Variants in ETFA observed in about 807,000 individuals in gnomAD.
ETFA encodes electron transfer flavoprotein subunit alpha, mitochondrial.
ETFA carries 22 observed loss-of-function variants against 46.2 expected under a neutral mutation model. That is an observed-to-expected ratio of 0.48 (90% CI 0.34 to 0.68). The LOEUF (loss-of-function observed/expected upper bound fraction) is 0.68. Among genes scored for constraint, ETFA ranks in the 30% least tolerant of loss-of-function variants. The pLI is 0.01. For missense variants in ETFA, 345 were observed against 401.1 expected (o/e 0.86, Z 1.19); for synonymous variants, 131 against 139.9 (o/e 0.94, Z 0.45).
At chr15:76,310,369 GAAA>G (rs34111559) in intron 1 of ETFA, among the ~76,000 whole-genome samples, 5 of 104,446 alleles carry the variant, frequency 4.8e-5, no homozygotes, top group African/African-American at 7.4e-5. Context: ...TCCATGCCCA[GAAA>G]AAAAAAAAAA....
intron 9 of ETFA, among the ~76,000 whole-genome samples, chr15:76,236,603 T>C (rs1477294460): frequency 6.6e-6 from 1 of 152,202 alleles, no homozygotes; most frequent in Non-Finnish European, 1.5e-5. Context: ...ACAGGTTCTA[T>C]TATGCTCAAT....
intron 9 of ETFA, 55 bp from the exon 10 acceptor site, chr15:76,231,453 C>G: frequency 8.7e-7 from 1 of 1,152,390 alleles, no homozygotes; most frequent in Non-Finnish European, 1.2e-6. Flanking sequence ...TAATACTTTC[C>G]AAAGTGTTTG....
intron 9 of ETFA, among the ~76,000 whole-genome samples, chr15:76,233,325 C>CTTTTTTTTTTTTT (rs66595585): frequency 3.6e-5 from 3 of 84,472 alleles, no homozygotes; most frequent in Non-Finnish European, 6.5e-5. Context: ...ATTCAATAGG[C>CTTTTTTTTTTTTT]TTTTTTTTTT....
At chr15:76,235,623 T>C (rs1291756737) in intron 9 of ETFA, among the ~76,000 whole-genome samples, 1 of 152,194 alleles carries the variant, frequency 6.6e-6, no homozygotes, top group Non-Finnish European at 1.5e-5. Flanking sequence ...AGATGACTAA[T>C]TCTCTGTGCC....
intron 10 of ETFA, among the ~76,000 whole-genome samples, chr15:76,226,908 C>A (rs545956564): frequency 3.2e-4 from 48 of 152,124 alleles, no homozygotes; most frequent in Middle Eastern, 6.8e-3. Flanking sequence ...AAATAAAATA[C>A]AATAGAATAA....
chr15:76,296,513 T>C (rs11633405), intron 1 of ETFA, among the ~76,000 whole-genome samples: 43,450 of 152,050 alleles, frequency 0.29, 6,641 homozygotes, highest in East Asian at 0.58. Context: ...TTGAAATCAG[T>C]CACGAAAGTT....
intron 9 of ETFA, among the ~76,000 whole-genome samples, chr15:76,273,072 A>G (rs1055699029): frequency 2.0e-5 from 3 of 152,140 alleles, no homozygotes; most frequent in Non-Finnish European, 4.4e-5. Flanking sequence ...AGACTGGTGC[A>G]TTAGGTTATC....
chr15:76,274,451 A>G lies in ETFA; in HGVS notation c.777T>C (p.Asn259=), dbSNP rs1567211983. Residue 259 remains asparagine, a synonymous_variant, in exon 9 of 12, where the codon AAT becomes AAC. Transcript: ENST00000557943. ...RAAVDAGFVP[N]DMQVGQTGKI... ...TTCCCGTCTGTCCAACTTGCATGTC[A>G]TTGGGAACAAAGCCAGCATCAACAG... The G allele has an allele frequency of 6.2e-7, 1 of 1,612,752 alleles. No individual in the cohort carries two copies. The highest frequency in any genetic ancestry group is 8.5e-7 in the Non-Finnish European group (1 of 1,179,302).
At chr15:76,229,890 T>C (rs2141461791) in intron 10 of ETFA, among the ~76,000 whole-genome samples, 1 of 152,324 alleles carries the variant, frequency 6.6e-6, no homozygotes, top group South Asian at 2.1e-4. Flanking sequence ...TAATTCAAAC[T>C]ATATATTATT....
intron 2 of ETFA, among the ~76,000 whole-genome samples, chr15:76,295,272 T>C (rs1035100266): frequency 1.3e-5 from 2 of 152,210 alleles, no homozygotes; most frequent in East Asian, 1.9e-4. Context: ...TTACCAAGTA[T>C]ATTCATCAAC....
chr15:76,278,129 G>T (rs2039614340), intron 8 of ETFA, among the ~76,000 whole-genome samples: 1 of 152,100 alleles, frequency 6.6e-6, no homozygotes, highest in African/African-American at 2.4e-5. Context: ...CTTAATTCCT[G>T]GAGATTTCAA....
intron 1 of ETFA, among the ~76,000 whole-genome samples, chr15:76,302,282 G>A (rs1413929725): frequency 3.3e-5 from 5 of 151,988 alleles, no homozygotes; most frequent in African/African-American, 4.8e-5. Flanking sequence ...CAACCAAAAT[G>A]TCCTTCAGTA....
chr15:76,272,931 G>C (rs1312260470), intron 9 of ETFA, among the ~76,000 whole-genome samples: 1 of 151,630 alleles, frequency 6.6e-6, no homozygotes, highest in African/African-American at 2.4e-5. Flanking sequence ...CAAGCAAACA[G>C]GCCACATGAT....
At position 76,292,616 on chromosome 15, in the gene ETFA, C is replaced by T. The variant is rs1160396237; in HGVS notation, c.268+3G>A. On this transcript the variant is annotated splice_donor_region_variant and intron_variant, in intron 3 of 11. Transcript: ENST00000557943. ...TACATTTTTTTCTACTGGAAAACCT[C>T]ACCTGGAAGTAGGCCTTTGTACACA... 13 of 1,611,942 alleles carry T rather than the reference C, an allele frequency of 8.1e-6. No individual in the cohort carries two copies. Among genetic ancestry groups the T allele is most frequent in the Non-Finnish European group, 1.1e-5 (13 of 1,177,986 alleles).
intron 1 of ETFA, among the ~76,000 whole-genome samples, chr15:76,304,923 GT>G (rs1471256469): frequency 5.0e-4 from 76 of 151,926 alleles, no homozygotes; most frequent in African/African-American, 1.8e-3. Context: ...GGCACCTGTA[GT>G]CCCAGCTACT....
At chr15:76,269,836 T>C (rs1330353414) in intron 9 of ETFA, among the ~76,000 whole-genome samples, 1 of 152,208 alleles carries the variant, frequency 6.6e-6, no homozygotes, top group Admixed American at 6.5e-5. Context: ...TGAGAAAATA[T>C]TTGTAAAACC....
At chr15:76,262,422 A>G (rs1334581725) in intron 9 of ETFA, among the ~76,000 whole-genome samples, 2 of 151,778 alleles carry the variant, frequency 1.3e-5, no homozygotes, top group Non-Finnish European at 2.9e-5. Context: ...TGCTATCTGA[A>G]GCAGGTTAAA....
chr15:76,248,845 C>A (rs1184923903), intron 9 of ETFA, among the ~76,000 whole-genome samples: 1 of 151,590 alleles, frequency 6.6e-6, no homozygotes, highest in Non-Finnish European at 1.5e-5. Flanking sequence ...CCACTCCACT[C>A]CAGCCTGGGC....
intron 10 of ETFA, chr15:76,230,200 C>A (rs1468241064): frequency 7.7e-6 from 1 of 129,914 alleles, no homozygotes; most frequent in Non-Finnish European, 1.6e-5. Context: ...CAAGTGTTTC[C>A]TTCCTCTACT....
Sources: allele counts gnomAD v4.1 joint callset (sites outside exome capture counted in the v4.1 genomes callset), GRCh38; gene constraint gnomAD v4.1.1; transcripts MANE v1.5; gene names NCBI Gene and HGNC (gene_info 2026-07-23, HGNC 2026-07-21).